Variants in SGSM2 observed in about 807,000 individuals in gnomAD.
SGSM2 encodes RUN and TBC1 domain containing 1.
In SGSM2, 89 loss-of-function variants were observed where a neutral mutation model predicts 126.6. The ratio of observed to expected loss-of-function variants is 0.70; its 90% CI spans 0.59 to 0.84. SGSM2 has a LOEUF of 0.84. Ranked by LOEUF, SGSM2 falls within the 40% of genes least tolerant of loss-of-function variation. SGSM2 has a pLI of 0.00. For missense variants in SGSM2, 1,404 were observed against 1,416.6 expected, an observed-to-expected ratio of 0.99 and a Z score of 0.14; for synonymous variants, 614 against 574.3, an observed-to-expected ratio of 1.07 and a Z score of -0.99.
intron 19 of SGSM2, 62 bp downstream of exon 19, chr17:2,376,323 G>T: frequency 1.3e-6 from 2 of 1,534,852 alleles, no homozygotes; most frequent in Non-Finnish European, 8.8e-7. Context: ...ACTCTGTGAA[G>T]ATGAGGTCCG....
Position 2,379,423 on chromosome 17 carries a change from T to A in SGSM2, c.3068-9T>A. 1 of 1,610,634 alleles carries A rather than the reference T, an allele frequency of 6.2e-7. No individual in the cohort carries two copies. The highest frequency in any genetic ancestry group is 8.5e-7 in the Non-Finnish European group (1 of 1,177,556). On this transcript the variant is annotated splice_polypyrimidine_tract_variant and intron_variant, in intron 23 of 23. Coordinates refer to ENST00000268989, the MANE Select transcript of SGSM2 (RefSeq NM_014853.3). ...GGGCCTCTCTACAGCTCTTCACGTT[T>A]CCCCCCAGAACGTGCTGAGCATCAC...
chr17:2,376,617 G>C (rs2066170437), intron 19 of SGSM2, 116 bp from the exon 20 acceptor site: 3 of 1,116,668 alleles, frequency 2.7e-6, no homozygotes, highest in Non-Finnish European at 4.0e-6. Flanking sequence ...ACATGCCTTA[G>C]GGTCGTGGAA....
intron 13 of SGSM2, chr17:2,371,844 A>C: frequency 2.6e-6 from 1 of 384,608 alleles, no homozygotes. Context: ...AATGGCTTTT[A>C]TGGGAGGTGT....
chr17:2,373,734 C>T, intron 17 of SGSM2: 1 of 558,868 alleles, frequency 1.8e-6, no homozygotes, highest in South Asian at 2.4e-5. Context: ...GTGCATTGTG[C>T]TCAGTTTTAG....
Position 2,372,164 on chromosome 17 carries a change from C to T in SGSM2, c.1578-26C>T. ...CCCACCAGAGGGGCCGCAGCCCCTC[C>T]CTGCTGAGCCCGGTTGTTGCCACAG... is the stretch of plus-strand genomic sequence containing the variant. On this transcript the variant is annotated intron_variant, in intron 13 of 23. Coordinates refer to ENST00000268989, the MANE Select transcript of SGSM2 (RefSeq NM_014853.3). The surrounding 1 kb of genome is among the most constrained non-coding windows in gnomAD (Gnocchi z 6.0). The T allele has an allele frequency of 2.5e-6, 4 of 1,612,922 alleles. No individual in the cohort carries two copies. Among genetic ancestry groups the T allele is most frequent in the Non-Finnish European group, 3.4e-6 (4 of 1,179,662 alleles).
chr17:2,372,798 C>T lies in SGSM2; in HGVS notation c.1789-155C>T. 1 of 1,031,486 alleles carries T rather than the reference C, an allele frequency of 9.7e-7. No homozygotes were observed. Among genetic ancestry groups the T allele is most frequent in the Non-Finnish European group, 1.4e-6 (1 of 723,270 alleles). The allele number at this position is 1,031,486 out of a possible 1,614,324, so 63.9% of individuals were successfully genotyped here. ...GATCTCATCCCACTGTGAGCTGGGG[C>T]ACGGGAGGACGTGGCCACCCCAAAG... On this transcript the variant is annotated intron_variant, in intron 15 of 23. Transcript: ENST00000268989. The surrounding 1 kb of genome is among the most constrained non-coding windows in gnomAD (Gnocchi z 6.0).
intron 2 of SGSM2, among the ~76,000 whole-genome samples, chr17:2,346,455 C>G (rs1421212116): frequency 2.0e-5 from 3 of 152,198 alleles, no homozygotes; most frequent in Non-Finnish European, 4.4e-5. Flanking sequence ...ATCACTGTGT[C>G]AAGACCTGAC....
Position 2,352,800 on chromosome 17 carries a change from C to T in SGSM2, c.134-8837C>T, listed in dbSNP as rs1410083563. On this transcript the variant is annotated intron_variant, in intron 2 of 23. Transcript: ENST00000268989. ...TTTTTTTTTTTTTTTTTTTTTGAGA[C>T]GGAGTCTCGCTCTGTCGCCCAGGCT... is the stretch of plus-strand genomic sequence containing the variant. Among the ~76,000 whole-genome samples, 150 of 97,218 alleles carry T rather than the reference C, an allele frequency of 1.5e-3. 3 individuals carry two copies. The highest frequency in any genetic ancestry group is 5.2e-3 in the African/African-American group (132 of 25,186). The allele number at this position is 97,218 out of a possible 152,430, so 63.8% of individuals were successfully genotyped here.
At chr17:2,364,481 C>T in intron 8 of SGSM2, 115 bp from the exon 9 acceptor site, 4 of 1,161,668 alleles carry the variant, frequency 3.4e-6, no homozygotes, top group Non-Finnish European at 5.1e-6. Flanking sequence ...CACCTCTTGG[C>T]TATGGTCATC....
chr17:2,355,582 A>G (rs75129500), intron 2 of SGSM2, among the ~76,000 whole-genome samples: 3 of 1,310 alleles, frequency 2.3e-3, no homozygotes, highest in Non-Finnish European at 3.2e-3. Flanking sequence ...GGGGTGTAAG[A>G]GTTGGGGGAA....
rs539398918 is a variant in SGSM2 at position 2,380,180 on chromosome 17, C to G, written c.*660C>G. ...TGCCTTTGGCCACCTGAGGTGACCC[C>G]CAGGCCTCCCCGGCCTTGTACAGTG... On this transcript the variant is annotated 3_prime_UTR_variant, in exon 24 of 24. Coordinates refer to ENST00000268989, the MANE Select transcript of SGSM2 (RefSeq NM_014853.3). The G allele has an allele frequency of 1.1e-4, 160 of 1,507,432 alleles. No homozygotes were observed. The highest frequency in any genetic ancestry group is 1.2e-4 in the Admixed American group (6 of 48,858). 93.4% of individuals were successfully genotyped at this position (1,507,432 alleles called of 1,614,324 possible).
intron 1 of SGSM2, among the ~76,000 whole-genome samples, chr17:2,341,941 C>T (rs529910578): frequency 3.1e-4 from 47 of 152,328 alleles, no homozygotes; most frequent in African/African-American, 8.9e-4. Flanking sequence ...ACCACCCAAA[C>T]GCCGGGTGTT....
In SGSM2 at chr17:2,337,631, G is replaced by A. The variant is rs1158091172; in HGVS notation, c.-58G>A. On this transcript the variant is annotated 5_prime_UTR_variant, in exon 1 of 24. Coordinates refer to ENST00000268989, the MANE Select transcript of SGSM2 (RefSeq NM_014853.3). This position sits in a 1 kb window ranked among gnomAD's most constrained non-coding sequence, Gnocchi z 5.1. ...CGTGGGGCGCTGAGCCGAGAGGCGCGGAGGCGGCGAGGGCGCGGGGGCTCT... is the reference window on the plus strand; with the variant it reads ...CGTGGGGCGCTGAGCCGAGAGGCGCAGAGGCGGCGAGGGCGCGGGGGCTCT... 1.6e-6 allele frequency: 2 copies of A among 1,283,690 alleles called. No individual in the cohort carries two copies. The highest frequency in any genetic ancestry group is 2.0e-6 in the Non-Finnish European group (2 of 981,388). The allele number at this position is 1,283,690 out of a possible 1,614,324, so 79.5% of individuals were successfully genotyped here. A position where few individuals can be genotyped will look rare whatever the true frequency, so the allele number is the denominator to read the frequency against.
Position 2,360,760 on chromosome 17 carries a change from G to C in SGSM2, c.134-877G>C, listed in dbSNP as rs537422010. On this transcript the variant is annotated intron_variant, in intron 2 of 23. Transcript: ENST00000268989. ...AAAAAACCACCTCCTTCTCCCCTCA[G>C]TGTCCCTGCCCCCAACCAGACACAC... 1.7e-3 allele frequency among the ~76,000 whole-genome samples: 264 copies of C among 152,340 alleles called. 1 individual carries two copies. Among genetic ancestry groups the C allele is most frequent in the Non-Finnish European group, 2.9e-3 (195 of 68,028 alleles).
At chr17:2,349,850 C>A (rs958762511) in intron 2 of SGSM2, among the ~76,000 whole-genome samples, 18 of 150,296 alleles carry the variant, frequency 1.2e-4, no homozygotes, top group African/African-American at 4.2e-4. Flanking sequence ...TGCAATGGAG[C>A]GGTCTTGGCT....
intron 2 of SGSM2, among the ~76,000 whole-genome samples, chr17:2,353,406 T>C (rs1411137532): frequency 2.0e-5 from 3 of 152,146 alleles, no homozygotes; most frequent in African/African-American, 7.2e-5. Flanking sequence ...CCCACTCAAT[T>C]ATTATAATTA....
In SGSM2 at chr17:2,376,184, G is replaced by A. The variant is rs776233179; in HGVS notation, c.2532G>A (p.Lys844=). The A allele has an allele frequency of 4.3e-6, 7 of 1,613,996 alleles. No homozygotes were observed. In the African/African-American group the frequency reaches 5.3e-5, roughly 12 times the overall value. Residue 844 remains lysine (K), a synonymous_variant, in exon 19 of 24, where the codon AAG becomes AAA. Transcript: ENST00000268989. ...CCTTAAACCTGCACCGCATAGACAA[G>A]GATGTGCAGAGGTGTGACCGCAACT... The part of the protein sequence containing the change: ...TVALNLHRID[K]DVQRCDRNYW...
Position 2,372,831 on chromosome 17 carries a change from T to C in SGSM2, c.1789-122T>C. ...GACGTGGCCACCCCAAAGCAGGCCT[T>C]GCCTGGGCTTCAGCAGTCACTACAG... On this transcript the variant is annotated intron_variant, in intron 15 of 23. Coordinates refer to ENST00000268989, the MANE Select transcript of SGSM2 (RefSeq NM_014853.3). This position sits in a 1 kb window ranked among gnomAD's most constrained non-coding sequence, Gnocchi z 6.0. The C allele has an allele frequency of 7.3e-7, 1 of 1,366,844 alleles. No individual in the cohort carries two copies. The highest frequency in any genetic ancestry group is 2.6e-5 in the Admixed American group (1 of 38,760). The allele number at this position is 1,366,844 out of a possible 1,614,324, so 84.7% of individuals were successfully genotyped here. A position where few individuals can be genotyped will look rare whatever the true frequency, so the allele number is the denominator to read the frequency against.
intron 22 of SGSM2, 97 bp from the exon 23 acceptor site, chr17:2,378,939 T>C (rs62067022): frequency 6.4e-5 from 80 of 1,254,166 alleles, no homozygotes; most frequent in African/African-American, 2.6e-4. Context: ...AGCCTCAGCC[T>C]CAGCCCCAGC....
Sources: allele counts gnomAD v4.1 joint callset (sites outside exome capture counted in the v4.1 genomes callset), GRCh38; gene constraint gnomAD v4.1.1; non-coding constraint Gnocchi (gnomAD v3.1); transcripts MANE v1.5; gene names NCBI Gene and HGNC (gene_info 2026-07-23, HGNC 2026-07-21).